The following SMG1 variants were observed in gnomAD, a reference collection of about 807,000 sequenced individuals.
SMG1 encodes serine/threonine-protein kinase SMG1.
In SMG1, 22 loss-of-function variants were observed where a neutral mutation model predicts 419.9. That is an observed-to-expected ratio of 0.05 (90% CI 0.04 to 0.07). The LOEUF is 0.07. Ranked by LOEUF, SMG1 falls within the 10% of genes least tolerant of loss-of-function variation. The pLI, the probability that SMG1 is intolerant of heterozygous loss-of-function variation, is 1.00. For missense variants in SMG1, 3,185 were observed against 4,342.0 expected, an observed-to-expected ratio of 0.73 and a Z score of 7.49; for synonymous variants, 1,538 against 1,553.5, an observed-to-expected ratio of 0.99 and a Z score of 0.23.
At chr16:18,849,109 C>CAA in intron 36 of SMG1, 108 bp downstream of exon 36, 1 of 277,148 alleles carries the variant, frequency 3.6e-6, no homozygotes, top group Non-Finnish European at 6.1e-6. Flanking sequence ...AAAAAAAACC[C>CAA]TACAAACTCT....
At chr16:18,844,747 C>T (rs2034160548) in intron 39 of SMG1, among the ~76,000 whole-genome samples, 1 of 151,890 alleles carries the variant, frequency 6.6e-6, no homozygotes, top group South Asian at 2.1e-4. Flanking sequence ...TCTCACTGCT[C>T]AAATTCAGTA....
intron 49 of SMG1, 113 bp from the exon 50 acceptor site, chr16:18,834,551 T>C (rs747882379): frequency 6.1e-6 from 6 of 989,030 alleles, no homozygotes; most frequent in Non-Finnish European, 8.9e-6. Context: ...CCGAGGCAGG[T>C]AGATGACTTC....
At chr16:18,847,036 G>T (rs1291572580) in intron 38 of SMG1, among the ~76,000 whole-genome samples, 1 of 145,154 alleles carries the variant, frequency 6.9e-6, no homozygotes, top group Non-Finnish European at 1.5e-5. Flanking sequence ...TAATCATACA[G>T]TATTATTCAG....
chr16:18,869,004 A>G, intron 20 of SMG1, 100 bp downstream of exon 20: 1 of 1,112,860 alleles, frequency 9.0e-7, no homozygotes, highest in Non-Finnish European at 1.3e-6. Context: ...CTTTTTTCAA[A>G]AAAATCATAT....
intron 3 of SMG1, among the ~76,000 whole-genome samples, chr16:18,895,829 T>C (rs1384563658): frequency 2.6e-5 from 4 of 152,224 alleles, no homozygotes; most frequent in African/African-American, 7.2e-5. Context: ...GGTAAACCTT[T>C]TCTGTAAGAT....
intron 60 of SMG1, among the ~76,000 whole-genome samples, chr16:18,814,425 G>C (rs988727681): frequency 1.6e-4 from 24 of 151,732 alleles, no homozygotes; most frequent in Admixed American, 1.1e-3. Context: ...CTTGAATCTG[G>C]GGGGTGGAGG....
At chr16:18,873,731 T>A (rs1482084332) in intron 13 of SMG1, among the ~76,000 whole-genome samples, 1 of 152,186 alleles carries the variant, frequency 6.6e-6, no homozygotes, top group Non-Finnish European at 1.5e-5. Flanking sequence ...TTTCCTCAAT[T>A]TTCCATATAC....
chr16:18,864,947 T>C (rs2035420871), intron 23 of SMG1, among the ~76,000 whole-genome samples: 1 of 152,146 alleles, frequency 6.6e-6, no homozygotes, highest in Non-Finnish European at 1.5e-5. Context: ...TTTAAAAAAA[T>C]GTAAGACAGT....
At chr16:18,900,194 A>G (rs1023704791) in intron 1 of SMG1, 2 of 532,104 alleles carry the variant, frequency 3.8e-6, no homozygotes, top group East Asian at 5.7e-5. Flanking sequence ...ATTGAGGTGG[A>G]AAGCCACTCT....
intron 38 of SMG1, among the ~76,000 whole-genome samples, chr16:18,846,532 A>C (rs566185924): frequency 2.0e-5 from 3 of 152,328 alleles, no homozygotes; most frequent in Admixed American, 2.0e-4. Flanking sequence ...AACAATAAAA[A>C]AACAAAAAAC....
At chr16:18,830,522 C>T (rs1440368810) in intron 51 of SMG1, among the ~76,000 whole-genome samples, 153 bp from the exon 52 acceptor site, 1 of 152,166 alleles carries the variant, frequency 6.6e-6, no homozygotes. Flanking sequence ...GGCGCGGTGG[C>T]TCACGCCTGT....
At chr16:18,815,766 G>A in intron 58 of SMG1, 115 bp from the exon 59 acceptor site, 1 of 784,576 alleles carries the variant, frequency 1.3e-6, no homozygotes, top group Non-Finnish European at 1.9e-6. Context: ...TGTTTAAACT[G>A]CTTAGTTCAA....
intron 42 of SMG1, among the ~76,000 whole-genome samples, 153 bp from the exon 43 acceptor site, chr16:18,838,842 G>C (rs946478301): frequency 2.6e-5 from 4 of 152,128 alleles, no homozygotes; most frequent in African/African-American, 9.7e-5. Flanking sequence ...CAAGGTTGCT[G>C]CATGTGGTTA....
chr16:18,815,744 C>G, intron 58 of SMG1, 93 bp from the exon 59 acceptor site: 1 of 1,057,066 alleles, frequency 9.5e-7, no homozygotes. Context: ...ACAAATGTTT[C>G]AAATATGAGT....
chr16:18,827,344 T>C (rs2032760195), intron 55 of SMG1, among the ~76,000 whole-genome samples: 1 of 151,576 alleles, frequency 6.6e-6, no homozygotes, highest in African/African-American at 2.4e-5. Context: ...GAGAATCGCT[T>C]GAACCCGAGA....
intron 60 of SMG1, among the ~76,000 whole-genome samples, chr16:18,814,533 A>T (rs1218340200): frequency 6.6e-6 from 1 of 152,070 alleles, no homozygotes; most frequent in Non-Finnish European, 1.5e-5. Context: ...AATTTTTTTA[A>T]AGAAAACTAT....
chr16:18,884,793 C>T (rs1318928807), intron 8 of SMG1: 3 of 282,440 alleles, frequency 1.1e-5, no homozygotes, highest in Non-Finnish European at 2.0e-5. Context: ...TAACTTGGAT[C>T]TTCCATTGTC....
At chr16:18,923,513 T>A (rs2038276364) in intron 1 of SMG1, among the ~76,000 whole-genome samples, 1 of 151,798 alleles carries the variant, frequency 6.6e-6, no homozygotes, top group Non-Finnish European at 1.5e-5. Flanking sequence ...ACGCCTGTAA[T>A]CCCAGCTACT....
chr16:18,810,155 G>A (rs188446142), intron 62 of SMG1, among the ~76,000 whole-genome samples: 220 of 152,210 alleles, frequency 1.4e-3, no homozygotes, highest in African/African-American at 4.9e-3. Flanking sequence ...GGAAAAAAAT[G>A]TACATTTATA....
Sources: allele counts gnomAD v4.1 joint callset (sites outside exome capture counted in the v4.1 genomes callset), GRCh38; gene constraint gnomAD v4.1.1; transcripts MANE v1.5; gene names NCBI Gene and HGNC (gene_info 2026-07-23, HGNC 2026-07-21).